Variants in CSMD3 observed in about 807,000 individuals in gnomAD.
CSMD3 encodes the protein CUB and sushi domain-containing protein 3.
Under a neutral mutation model 435.2 loss-of-function variants are expected in CSMD3, and 177 were observed. That is an observed-to-expected ratio of 0.41 (90% CI 0.36 to 0.46). The LOEUF is 0.46. Ranked by LOEUF, CSMD3 falls within the 20% of genes least tolerant of loss-of-function variation. CSMD3 has a pLI of 0.34. For synonymous variants in CSMD3, 1,656 were observed against 1,520.5 expected (o/e 1.09, Z -2.07); for missense variants, 4,265 against 4,504.6 (o/e 0.95, Z 1.52).
intron 1 of CSMD3, among the ~76,000 whole-genome samples, chr8:113,365,616 T>C (rs1049500869): frequency 1.3e-5 from 2 of 152,082 alleles, no homozygotes; most frequent in Non-Finnish European, 2.9e-5. Context: ...TTATAAATCA[T>C]AGACGTTGGC....
chr8:112,538,302 T>C (rs551013651), intron 27 of CSMD3, among the ~76,000 whole-genome samples: 1 of 152,220 alleles, frequency 6.6e-6, no homozygotes, highest in Non-Finnish European at 1.5e-5. Context: ...AGGCCAAGAA[T>C]GACCACTTTT....
chr8:112,271,052 G>A (rs2130476030), intron 59 of CSMD3, among the ~76,000 whole-genome samples: 1 of 151,840 alleles, frequency 6.6e-6, no homozygotes, highest in Middle Eastern at 3.4e-3. Context: ...TCTTTGAACT[G>A]ACATTGTCAT....
intron 4 of CSMD3, among the ~76,000 whole-genome samples, chr8:113,116,935 G>T (rs1333187040): frequency 1.3e-5 from 2 of 152,098 alleles, no homozygotes; most frequent in Non-Finnish European, 2.9e-5. Flanking sequence ...ATGATTTAAG[G>T]TATCTGGCAG....
chr8:113,170,674 C>T (rs2092252120), intron 4 of CSMD3, among the ~76,000 whole-genome samples: 1 of 152,060 alleles, frequency 6.6e-6, no homozygotes, highest in African/African-American at 2.4e-5. Flanking sequence ...CCCCACTGGA[C>T]CACAGGTTCT....
intron 32 of CSMD3, among the ~76,000 whole-genome samples, chr8:112,452,454 A>C (rs764158054): frequency 3.3e-5 from 5 of 152,034 alleles, no homozygotes; most frequent in Non-Finnish European, 7.4e-5. Flanking sequence ...AGAGTAGACA[A>C]AAATGAAACC....
chr8:112,405,649 C>T (rs1434990401), intron 35 of CSMD3, among the ~76,000 whole-genome samples: 1 of 151,866 alleles, frequency 6.6e-6, no homozygotes, highest in East Asian at 1.9e-4. Flanking sequence ...GCATTTTACT[C>T]ATTCAAAATG....
chr8:113,016,905 A>G (rs2086480045), intron 6 of CSMD3, among the ~76,000 whole-genome samples: 1 of 151,942 alleles, frequency 6.6e-6, no homozygotes, highest in Non-Finnish European at 1.5e-5. Context: ...TTCAAGATTT[A>G]CTTCTCAATT....
intron 69 of CSMD3, among the ~76,000 whole-genome samples, chr8:112,230,328 G>T (rs780894565): frequency 1.1e-4 from 16 of 152,152 alleles, no homozygotes; most frequent in Non-Finnish European, 2.2e-4. Flanking sequence ...GATGTAAATG[G>T]CATCTTATTA....
chr8:112,933,260 T>C (rs993990852), intron 9 of CSMD3, among the ~76,000 whole-genome samples: 4 of 152,144 alleles, frequency 2.6e-5, no homozygotes, highest in African/African-American at 7.2e-5. Flanking sequence ...AATTGGGCTA[T>C]AGATTCTCTT....
At chr8:113,350,419 T>C (rs182983840) in intron 1 of CSMD3, among the ~76,000 whole-genome samples, 2 of 152,302 alleles carry the variant, frequency 1.3e-5, no homozygotes, top group East Asian at 3.9e-4. Flanking sequence ...AGAACTGTTA[T>C]GGTGAATTAA....
intron 3 of CSMD3, among the ~76,000 whole-genome samples, chr8:113,216,454 T>C (rs1161252522): frequency 6.6e-6 from 1 of 151,968 alleles, no homozygotes; most frequent in Non-Finnish European, 1.5e-5. Flanking sequence ...TCAAGAGTTC[T>C]AGTAATTCTA....
At chr8:113,005,351 T>C (rs1166825315) in intron 6 of CSMD3, among the ~76,000 whole-genome samples, 1 of 152,010 alleles carries the variant, frequency 6.6e-6, no homozygotes, top group Non-Finnish European at 1.5e-5. Flanking sequence ...ATTTTACATG[T>C]TGACATATTC....
chr8:112,696,001 C>T (rs1236977654), intron 13 of CSMD3, among the ~76,000 whole-genome samples: 1 of 152,058 alleles, frequency 6.6e-6, no homozygotes, highest in Non-Finnish European at 1.5e-5. Context: ...GAATAAAATA[C>T]CTAAGAATCC....
intron 41 of CSMD3, among the ~76,000 whole-genome samples, chr8:112,344,254 AG>A (rs1825461742): frequency 6.6e-6 from 1 of 152,142 alleles, no homozygotes; most frequent in Non-Finnish European, 1.5e-5. Flanking sequence ...TTCCTATACT[AG>A]GCTGATGTCC....
intron 7 of CSMD3, among the ~76,000 whole-genome samples, chr8:112,956,045 A>G (rs2084005226): frequency 6.6e-6 from 1 of 152,122 alleles, no homozygotes; most frequent in Non-Finnish European, 1.5e-5. Flanking sequence ...TGAACTATCT[A>G]TACACACAGC....
At chr8:112,328,179 T>TA (rs996258418) in intron 45 of CSMD3, among the ~76,000 whole-genome samples, 1 of 152,232 alleles carries the variant, frequency 6.6e-6, no homozygotes, top group Non-Finnish European at 1.5e-5. Context: ...TCAAGTATGA[T>TA]AATCTCATGA....
intron 1 of CSMD3, among the ~76,000 whole-genome samples, chr8:113,353,930 A>G (rs911342413): frequency 1.3e-5 from 2 of 152,114 alleles, no homozygotes. Context: ...TTAGCTTTTT[A>G]AAGCTCTCCA....
At chr8:113,363,419 A>G (rs999745116) in intron 1 of CSMD3, among the ~76,000 whole-genome samples, 4 of 152,170 alleles carry the variant, frequency 2.6e-5, no homozygotes, top group African/African-American at 9.7e-5. Flanking sequence ...AGCTGTAGCA[A>G]ATTACCACAA....
chr8:112,242,227 GGA>G (rs1481219290), intron 65 of CSMD3, among the ~76,000 whole-genome samples: 2 of 152,000 alleles, frequency 1.3e-5, no homozygotes, highest in Non-Finnish European at 2.9e-5. Context: ...ACCAGAAATT[GGA>G]TAGACTTAAA....
Sources: gnomAD v4.1 joint callset for allele counts (sites outside exome capture counted in the v4.1 genomes callset) on GRCh38, gnomAD v4.1.1 for gene constraint, MANE v1.5 for transcripts, NCBI Gene and HGNC (gene_info 2026-07-23, HGNC 2026-07-21) for gene names.